WDR49: variants seen among roughly 807,000 people sequenced by gnomAD.
WDR49 encodes the protein WD repeat domain 49.
A neutral mutation model predicts 119.5 loss-of-function variants in WDR49; 107 were observed. The observed-to-expected ratio is 0.90, with a 90% CI of 0.77 to 1.05. The LOEUF (loss-of-function observed/expected upper bound fraction) is 1.05, where lower values mean the gene tolerates loss of function less well. WDR49 is among the 50% of genes least tolerant of loss of function. The pLI is 0.00. For missense variants in WDR49, 1,240 were observed against 1,220.5 expected (o/e 1.02, Z -0.24); for synonymous variants, 425 against 418.8 (o/e 1.01, Z -0.18).
chr3:167,650,000 C>T (rs541973876), intron 2 of WDR49, among the ~76,000 whole-genome samples: 30 of 152,086 alleles, frequency 2.0e-4, no homozygotes, highest in African/African-American at 3.9e-4. Flanking sequence ...TCAGACCAAA[C>T]GGGCAGCAAT....
intron 10 of WDR49, among the ~76,000 whole-genome samples, chr3:167,545,488 A>ATAT (rs1560278787): frequency 5.3e-5 from 7 of 131,956 alleles, no homozygotes; most frequent in Non-Finnish European, 1.2e-4. Flanking sequence ...AATGTACCAT[A>ATAT]TATATATTAT....
intron 3 of WDR49, among the ~76,000 whole-genome samples, chr3:167,621,871 C>T (rs1297511134): frequency 2.0e-5 from 3 of 152,062 alleles, no homozygotes; most frequent in Admixed American, 2.0e-4. Context: ...GCTTTATTTC[C>T]TATCCCTATT....
chr3:167,598,930 CAAAT>C (rs1577266654), intron 7 of WDR49, among the ~76,000 whole-genome samples: 1 of 152,254 alleles, frequency 6.6e-6, no homozygotes, highest in East Asian at 1.9e-4. Flanking sequence ...TTCTACCAAA[CAAAT>C]AGAGTCTCTC....
At chr3:167,652,773 T>G (rs1718447293) in intron 2 of WDR49, among the ~76,000 whole-genome samples, 2 of 152,198 alleles carry the variant, frequency 1.3e-5, no homozygotes, top group South Asian at 4.1e-4. Flanking sequence ...GACAACAAAG[T>G]GCCAGAATCA....
intron 18 of WDR49, among the ~76,000 whole-genome samples, chr3:167,485,900 G>C (rs1255254610): frequency 6.6e-6 from 1 of 151,118 alleles, no homozygotes; most frequent in African/African-American, 2.4e-5. Flanking sequence ...GAAATACAAA[G>C]AACCCTGGAA....
chr3:167,541,270 C>A (rs6775353), intron 10 of WDR49, among the ~76,000 whole-genome samples: 39,071 of 151,828 alleles, frequency 0.26, 5,312 homozygotes, highest in South Asian at 0.31. Context: ...TAAAGTCAAA[C>A]AAAGGAAAGA....
chr3:167,485,212 A>G (rs1750875359), intron 18 of WDR49, among the ~76,000 whole-genome samples: 1 of 152,052 alleles, frequency 6.6e-6, no homozygotes, highest in African/African-American at 2.4e-5. Context: ...GGGGAAGGGG[A>G]GGGATAGCAT....
intron 16 of WDR49, among the ~76,000 whole-genome samples, chr3:167,517,402 T>A (rs959299633): frequency 6.6e-6 from 1 of 151,920 alleles, no homozygotes; most frequent in Non-Finnish European, 1.5e-5. Context: ...ACAAACCTGA[T>A]GAAAACAAGC....
intron 2 of WDR49, among the ~76,000 whole-genome samples, chr3:167,629,072 A>G (rs1717252834): frequency 6.6e-6 from 1 of 152,134 alleles, no homozygotes; most frequent in South Asian, 2.1e-4. Context: ...ACTGAGCAAC[A>G]TAGTGAGACT....
At chr3:167,518,709 C>A (rs969902655) in intron 16 of WDR49, among the ~76,000 whole-genome samples, 2 of 149,906 alleles carry the variant, frequency 1.3e-5, no homozygotes, top group Non-Finnish European at 3.0e-5. Context: ...ATGGTAGTTT[C>A]TTTTGCTGTG....
At chr3:167,606,600 A>G (rs143523711) in intron 5 of WDR49, among the ~76,000 whole-genome samples, 1,669 of 152,330 alleles carry the variant, frequency 0.011, 13 homozygotes, top group Middle Eastern at 0.027. Flanking sequence ...GAAAATAAGG[A>G]GAGAACAGGA....
chr3:167,563,020 T>C (rs1713360259), intron 8 of WDR49, among the ~76,000 whole-genome samples: 2 of 152,220 alleles, frequency 1.3e-5, no homozygotes, highest in African/African-American at 4.8e-5. Context: ...AGAAAAATAG[T>C]ATCTTGCTTT....
intron 18 of WDR49, among the ~76,000 whole-genome samples, chr3:167,484,977 A>G (rs963544731): frequency 1.3e-5 from 2 of 152,154 alleles, no homozygotes; most frequent in South Asian, 2.1e-4. Context: ...GATAAAGAAA[A>G]TGTGGCACAT....
intron 18 of WDR49, among the ~76,000 whole-genome samples, chr3:167,482,350 A>C (rs1750746245): frequency 6.6e-6 from 1 of 152,090 alleles, no homozygotes; most frequent in Admixed American, 6.5e-5. Context: ...ATTGTTCCCA[A>C]GAGTCCTCTT....
chr3:167,527,316 C>T (rs1426915473), intron 15 of WDR49, among the ~76,000 whole-genome samples: 2 of 152,084 alleles, frequency 1.3e-5, no homozygotes, highest in Admixed American at 1.3e-4. Flanking sequence ...TCTTGAAAAA[C>T]ATCTTAGAAC....
intron 10 of WDR49, among the ~76,000 whole-genome samples, chr3:167,552,665 A>G (rs756616814): frequency 6.6e-6 from 1 of 151,996 alleles, no homozygotes; most frequent in Non-Finnish European, 1.5e-5. Flanking sequence ...CTGAGCTTAG[A>G]GAGATAAGAC....
Position 167,500,243 on chromosome 3 carries a change from G to T in WDR49, c.2941C>A (p.Pro981Thr), listed in dbSNP as rs779617589. Residue 981 changes from proline to threonine, a missense_variant, in exon 18 of 19, where the codon CCT becomes ACT. Pro to Thr is a conservative substitution (Grantham distance 38). Transcript: ENST00000682715. ...TTCTCAGGGTCTAGAAGGAAAGCAG[G>T]TTTATTCACTTCAGGCAGCTCTTCC... ...ALEELPEVNK[P>T]AFLLDPEKYF... 1.2e-6 allele frequency: 2 copies of T among 1,606,692 alleles called. No homozygotes were observed. Among genetic ancestry groups the T allele is most frequent in the East Asian group, 2.3e-5 (1 of 44,396 alleles).
chr3:167,613,818 G>A (rs777235312), intron 5 of WDR49, among the ~76,000 whole-genome samples: 3 of 151,732 alleles, frequency 2.0e-5, no homozygotes, highest in Non-Finnish European at 4.4e-5. Flanking sequence ...GGTAGCTCAT[G>A]CCTGTAATCC....
intron 16 of WDR49, among the ~76,000 whole-genome samples, chr3:167,512,965 A>C (rs1752044122): frequency 1.3e-5 from 2 of 152,150 alleles, no homozygotes; most frequent in South Asian, 4.1e-4. Flanking sequence ...ATATAACCAA[A>C]CCTATGACTG....
Sources: allele counts gnomAD v4.1 joint callset (sites outside exome capture counted in the v4.1 genomes callset), GRCh38; gene constraint gnomAD v4.1.1; transcripts MANE v1.5; gene names NCBI Gene and HGNC (gene_info 2026-07-23, HGNC 2026-07-21).